The following SPATS1 variants were observed in gnomAD, a reference collection of about 807,000 sequenced individuals.
The protein encoded by SPATS1 is spermatogenesis associated serine rich 1.
Under a neutral mutation model 33.6 loss-of-function variants are expected in SPATS1, and 23 were observed. The ratio of observed to expected loss-of-function variants is 0.68; its 90% confidence interval spans 0.49 to 0.97. The LOEUF (loss-of-function observed/expected upper bound fraction) is 0.97. Ranked by LOEUF, SPATS1 falls within the 50% of genes least tolerant of loss-of-function variation. SPATS1 has a pLI of 0.00. For missense variants in SPATS1, 327 were observed against 361.0 expected (o/e 0.91, Z 0.76); for synonymous variants, 131 against 125.6 (o/e 1.04, Z -0.29).
At chr6:44,359,937 A>G (rs1470550072) in intron 3 of SPATS1, among the ~76,000 whole-genome samples, 1 of 152,152 alleles carries the variant, frequency 6.6e-6, no homozygotes, top group African/African-American at 2.4e-5. Flanking sequence ...TTGCTTATCC[A>G]TTCTTCTCTT....
intron 2 of SPATS1, among the ~76,000 whole-genome samples, chr6:44,347,313 T>A (rs1419607530): frequency 1.3e-5 from 2 of 152,140 alleles, no homozygotes; most frequent in Non-Finnish European, 2.9e-5. Context: ...CCGTGGCATG[T>A]GTATAACTAT....
chr6:44,363,664 CTCCTTCCTTCCTTCCCTCCTTCCCTCCT>C (rs1561958541), intron 5 of SPATS1, among the ~76,000 whole-genome samples: 4 of 15,146 alleles, frequency 2.6e-4, no homozygotes, highest in South Asian at 1.3e-3. Flanking sequence ...CCCTCCTTCC[CTCCTTCCTTCCTTCCCTCCTTCCCTCCT>C]TCCTTCCTTC....
intron 7 of SPATS1, among the ~76,000 whole-genome samples, chr6:44,375,354 G>A (rs535779676): frequency 2.6e-5 from 4 of 152,328 alleles, no homozygotes; most frequent in Admixed American, 2.6e-4. Context: ...AACAGTAAGC[G>A]CTGGAGCTCC....
At chr6:44,359,758 T>G (rs1788793236) in intron 3 of SPATS1, among the ~76,000 whole-genome samples, 1 of 151,938 alleles carries the variant, frequency 6.6e-6, no homozygotes, top group Non-Finnish European at 1.5e-5. Flanking sequence ...TTGGTAGTGA[T>G]GGGGTGTCTC....
chr6:44,342,929 C>A, intron 1 of SPATS1, 161 bp downstream of exon 1: 3 of 1,242,304 alleles, frequency 2.4e-6, no homozygotes, highest in Non-Finnish European at 3.3e-6. Flanking sequence ...GCTTCCAAAC[C>A]ACGAAACGCC....
At chr6:44,362,964 G>C (rs1339354604) in intron 5 of SPATS1, among the ~76,000 whole-genome samples, 8 of 151,752 alleles carry the variant, frequency 5.3e-5, no homozygotes. Context: ...TCAGCCTCCG[G>C]AGTAGATGGG....
At chr6:44,369,926 A>G in intron 6 of SPATS1, 125 bp from the exon 7 acceptor site, 1 of 515,758 alleles carries the variant, frequency 1.9e-6, no homozygotes, top group South Asian at 4.4e-5. Context: ...CGGTTCTTAC[A>G]GTTTTGAAGT....
chr6:44,371,877 A>G (rs1356754931), intron 7 of SPATS1, among the ~76,000 whole-genome samples: 2 of 150,966 alleles, frequency 1.3e-5, no homozygotes, highest in East Asian at 3.9e-4. Context: ...CCTGGGAGGC[A>G]GAGCTTGCAG....
chr6:44,358,118 C>A (rs774250909), intron 3 of SPATS1, among the ~76,000 whole-genome samples: 1 of 152,114 alleles, frequency 6.6e-6, no homozygotes. Flanking sequence ...TGCTTATATT[C>A]TGAATCAGGG....
At chr6:44,369,355 G>A (rs965223719) in intron 6 of SPATS1, among the ~76,000 whole-genome samples, 6 of 151,830 alleles carry the variant, frequency 4.0e-5, no homozygotes, top group Non-Finnish European at 7.4e-5. Flanking sequence ...TTCAAGACCA[G>A]CCTGGCCAAC....
chr6:44,374,632 G>T (rs374836909), intron 7 of SPATS1, among the ~76,000 whole-genome samples: 9 of 152,072 alleles, frequency 5.9e-5, no homozygotes, highest in African/African-American at 2.2e-4. Context: ...TGATATATTT[G>T]ATTTCAGTTC....
At chr6:44,357,902 G>A (rs1402661170) in intron 3 of SPATS1, among the ~76,000 whole-genome samples, 1 of 152,192 alleles carries the variant, frequency 6.6e-6, no homozygotes, top group Non-Finnish European at 1.5e-5. Context: ...GGAGATACGG[G>A]TAAAAATTGG....
chr6:44,355,152 A>G (rs1788493531), intron 3 of SPATS1, among the ~76,000 whole-genome samples: 1 of 152,134 alleles, frequency 6.6e-6, no homozygotes, highest in African/African-American at 2.4e-5. Context: ...TGTGTGTTCC[A>G]TCTATTCATC....
chr6:44,342,763 T>A lies in SPATS1; in HGVS notation c.-6T>A, dbSNP rs1460545747. ...TTCGGCAGTTCAGTTGCCAGTTGGT[T>A]CGTTGGTCCGTGGAGGCCTCTGAGC... On this transcript the variant is annotated 5_prime_UTR_variant, in exon 1 of 9. Transcript: ENST00000674044. 2 of 495,080 alleles carry A rather than the reference T, an allele frequency of 4.0e-6. No individual in the cohort carries two copies. The highest frequency in any genetic ancestry group is 7.8e-6 in the Non-Finnish European group (2 of 256,454). The allele number at this position is 495,080 out of a possible 1,614,324, so 30.7% of individuals were successfully genotyped here.
intron 5 of SPATS1, among the ~76,000 whole-genome samples, chr6:44,366,584 G>A (rs2153368871): frequency 6.6e-6 from 1 of 152,244 alleles, no homozygotes; most frequent in Middle Eastern, 3.4e-3. Flanking sequence ...GTGATTTTCA[G>A]GTGTGCTAAA....
rs990600952 is a variant in SPATS1 at position 44,348,690 on chromosome 6, CA to C, written c.140-4035del. On this transcript the variant is annotated intron_variant, in intron 2 of 8. Coordinates refer to ENST00000674044, the MANE Select transcript of SPATS1 (RefSeq NM_001372081.1). ...CATAGCTTGGAAAAAACTCCAGAGACAGTAGAGAAGCACTTTTGCGCGGTGG... is the reference window on the plus strand; with the variant it reads ...CATAGCTTGGAAAAAACTCCAGAGACGTAGAGAAGCACTTTTGCGCGGTGG... 3.4e-4 allele frequency among the ~76,000 whole-genome samples: 51 copies of C among 152,172 alleles called. 1 individual carries two copies. The highest frequency in any genetic ancestry group is 1.2e-3 in the African/African-American group (51 of 41,446).
At chr6:44,367,212 C>T (rs977173355) in intron 5 of SPATS1, among the ~76,000 whole-genome samples, 6 of 152,122 alleles carry the variant, frequency 3.9e-5, no homozygotes, top group African/African-American at 9.7e-5. Context: ...CTCAGCCTCC[C>T]GAGTAACTGG....
chr6:44,351,781 A>G (rs1209206602), intron 2 of SPATS1, among the ~76,000 whole-genome samples: 3 of 152,072 alleles, frequency 2.0e-5, no homozygotes, highest in Non-Finnish European at 4.4e-5. Context: ...ATTCTTTTTC[A>G]TTTATTCACT....
rs933738694 is a variant in SPATS1 at position 44,377,420 on chromosome 6, A to G, written c.*357A>G. The G allele has an allele frequency of 1.3e-5, 3 of 233,172 alleles. No individual in the cohort carries two copies. The highest frequency in any genetic ancestry group is 2.5e-5 in the Non-Finnish European group (3 of 119,518). 14.4% of individuals were successfully genotyped at this position (233,172 alleles called of 1,614,324 possible). ...CTACATACCTCAGCATGTATCTTCT[A>G]AGGTCAAGGATGTTGTCTAACAACC... On this transcript the variant is annotated 3_prime_UTR_variant, in exon 9 of 9. Transcript: ENST00000674044.
Sources: gnomAD v4.1 joint callset for allele counts (sites outside exome capture counted in the v4.1 genomes callset) on GRCh38, gnomAD v4.1.1 for gene constraint, MANE v1.5 for transcripts, NCBI Gene and HGNC (gene_info 2026-07-23, HGNC 2026-07-21) for gene names.